The following B4GALT6 variants were observed in gnomAD, a reference collection of about 807,000 sequenced individuals.
The protein encoded by B4GALT6 is UDP-Gal:beta-GlcNAc beta-1,4-galactosyltransferase 6.
In B4GALT6, 14 loss-of-function variants were observed where a neutral mutation model predicts 46.3. The ratio of observed to expected loss-of-function variants is 0.30; its 90% CI spans 0.20 to 0.47. The LOEUF (loss-of-function observed/expected upper bound fraction) is 0.47. Ranked by LOEUF, B4GALT6 falls within the 20% of genes least tolerant of loss-of-function variation. The probability of loss-of-function intolerance (pLI) is 0.99; values close to 1 mark genes in which losing one functional copy is unlikely to be tolerated. For synonymous variants in B4GALT6, 168 were observed against 162.0 expected, an observed-to-expected ratio of 1.04 and a Z score of -0.28; for missense variants, 386 against 480.1, an observed-to-expected ratio of 0.80 and a Z score of 1.83.
intron 5 of B4GALT6, among the ~76,000 whole-genome samples, chr18:31,636,254 A>G (rs2073857315): frequency 6.6e-6 from 1 of 152,260 alleles, no homozygotes; most frequent in African/African-American, 2.4e-5. Context: ...AAAAAGCCCA[A>G]GCTATAAAAA....
chr18:31,690,734 G>C (rs552148332), upstream of B4GALT6, among the ~76,000 whole-genome samples: 2 of 152,092 alleles, frequency 1.3e-5, no homozygotes, highest in African/African-American at 2.4e-5. Flanking sequence ...GCCTCCCAAA[G>C]TGCTAGGATT....
intron 5 of B4GALT6, among the ~76,000 whole-genome samples, chr18:31,636,289 T>A (rs2073857834): frequency 6.6e-6 from 1 of 152,148 alleles, no homozygotes; most frequent in Non-Finnish European, 1.5e-5. Context: ...TTGGACTTCA[T>A]CAAAATTTAA....
chr18:31,674,265 A>G (rs1423719399), intron 1 of B4GALT6, among the ~76,000 whole-genome samples: 2 of 152,220 alleles, frequency 1.3e-5, no homozygotes, highest in African/African-American at 4.8e-5. Context: ...TTCAAGCACA[A>G]GCCGGAGTGA....
At chr18:31,630,418 T>G (rs1407092104) in intron 6 of B4GALT6, among the ~76,000 whole-genome samples, 5 of 56,306 alleles carry the variant, frequency 8.9e-5, no homozygotes, top group South Asian at 4.4e-4. Context: ...AAGATTTGGG[T>G]TTTTTTTTTT....
chr18:31,627,255 A>G (rs975021438), intron 6 of B4GALT6, 134 bp from the exon 7 acceptor site: 3 of 634,594 alleles, frequency 4.7e-6, no homozygotes, highest in African/African-American at 3.8e-5. Context: ...TAGAAAATGT[A>G]AAGTACACCA....
intron 6 of B4GALT6, among the ~76,000 whole-genome samples, chr18:31,628,062 G>C (rs148992075): frequency 6.6e-6 from 1 of 152,350 alleles, no homozygotes; most frequent in Non-Finnish European, 1.5e-5. Flanking sequence ...AGGACGTGCT[G>C]TTTGCCAGCT....
chr18:31,647,628 T>C (rs938499494), intron 3 of B4GALT6, among the ~76,000 whole-genome samples: 2 of 151,724 alleles, frequency 1.3e-5, no homozygotes, highest in African/African-American at 2.4e-5. Flanking sequence ...TACTGGGGAG[T>C]GTAGGGGACA....
At chr18:31,630,648 T>C (rs1294598262) in intron 6 of B4GALT6, among the ~76,000 whole-genome samples, 2 of 152,158 alleles carry the variant, frequency 1.3e-5, no homozygotes, top group African/African-American at 4.8e-5. Context: ...CCTTCAGAGA[T>C]GCAAGTGACT....
the B4GALT6 span, among the ~76,000 whole-genome samples, chr18:31,692,774 C>T: frequency 1.3e-5 from 2 of 151,862 alleles, no homozygotes; most frequent in African/African-American, 4.8e-5. Flanking sequence ...ATGCTCTTAC[C>T]CCCAAAAATA....
At chr18:31,701,089 G>A in the B4GALT6 span, among the ~76,000 whole-genome samples, 13 of 152,144 alleles carry the variant, frequency 8.5e-5, no homozygotes, top group Non-Finnish European at 7.4e-5. Flanking sequence ...ATATGGTTTG[G>A]ATCTGTGTTC....
At position 31,624,894 on chromosome 18, in the gene B4GALT6, TG is replaced by T. The variant is rs1218458035; in HGVS notation, c.*719del. On this transcript the variant is annotated 3_prime_UTR_variant, in exon 9 of 9. Transcript: ENST00000306851. ...ACTCATGCAATATGCATAAACAATA[TG>T]GTTGTGATTTCTAGCAAAATCAGAT... The T allele has an allele frequency of 6.6e-6, 1 of 152,574 alleles. No individual in the cohort carries two copies. Among genetic ancestry groups the T allele is most frequent in the Non-Finnish European group, 1.5e-5 (1 of 68,026 alleles). The allele number at this position is 152,574 out of a possible 1,614,324, so 9.5% of individuals were successfully genotyped here.
At chr18:31,657,082 G>A (rs1355054654) in intron 3 of B4GALT6, among the ~76,000 whole-genome samples, 1 of 152,134 alleles carries the variant, frequency 6.6e-6, no homozygotes, top group Non-Finnish European at 1.5e-5. Context: ...GCTTTTGAGA[G>A]CAATTGACAA....
chr18:31,665,611 G>A (rs2074273428), intron 2 of B4GALT6, among the ~76,000 whole-genome samples: 1 of 152,088 alleles, frequency 6.6e-6, no homozygotes, highest in Non-Finnish European at 1.5e-5. Flanking sequence ...GCGTGGTGAT[G>A]GGCGCCTGTA....
chr18:31,715,361 G>A, the B4GALT6 span, among the ~76,000 whole-genome samples: 1 of 151,994 alleles, frequency 6.6e-6, no homozygotes, highest in East Asian at 1.9e-4. Context: ...AAGTAGCTGG[G>A]ACTACAGGCA....
intron 4 of B4GALT6, among the ~76,000 whole-genome samples, chr18:31,644,238 C>T (rs1225529355): frequency 1.3e-5 from 2 of 152,126 alleles, no homozygotes; most frequent in African/African-American, 2.4e-5. Flanking sequence ...TGTAACAAGG[C>T]CAAAAAGGCT....
chr18:31,674,781 C>A (rs1377615832), intron 1 of B4GALT6, among the ~76,000 whole-genome samples: 1 of 151,850 alleles, frequency 6.6e-6, no homozygotes, highest in Non-Finnish European at 1.5e-5. Flanking sequence ...TCATACTACA[C>A]CTAGGACTAA....
chr18:31,689,772 G>T (rs1488775831), upstream of B4GALT6, among the ~76,000 whole-genome samples: 1 of 152,062 alleles, frequency 6.6e-6, no homozygotes, highest in South Asian at 2.1e-4. Context: ...CCAGCTTGAG[G>T]CTTAAGCTGT....
intron 1 of B4GALT6, among the ~76,000 whole-genome samples, chr18:31,681,473 C>T (rs2074479147): frequency 6.6e-6 from 1 of 152,178 alleles, no homozygotes. Flanking sequence ...TAAAGACTAT[C>T]CCTGTGTTTC....
At chr18:31,724,316 T>TG in the B4GALT6 span, 1 of 551,186 alleles carries the variant, frequency 1.8e-6, no homozygotes, top group Non-Finnish European at 2.8e-6. Flanking sequence ...TGGCAACTAT[T>TG]GTGGCTACTA....
Sources: gnomAD v4.1 joint callset for allele counts (sites outside exome capture counted in the v4.1 genomes callset) on GRCh38, gnomAD v4.1.1 for gene constraint, MANE v1.5 for transcripts, NCBI Gene and HGNC (gene_info 2026-07-23, HGNC 2026-07-21) for gene names.